The following ITGB5 variants were observed in gnomAD, a reference collection of about 807,000 sequenced individuals.
ITGB5 encodes integrin subunit beta 5, also known as integrin beta-5.
A neutral mutation model predicts 84.8 loss-of-function variants in ITGB5; 38 were observed. The ratio of observed to expected loss-of-function variants is 0.45; its 90% CI spans 0.35 to 0.59. The LOEUF (loss-of-function observed/expected upper bound fraction) is 0.59, where lower values mean the gene tolerates loss of function less well. ITGB5 is among the 20% of genes least tolerant of loss of function. The pLI is 0.01. For missense variants in ITGB5, 905 were observed against 1,034.5 expected (o/e 0.87, Z 1.72); for synonymous variants, 393 against 414.4 (o/e 0.95, Z 0.63).
At chr3:124,869,396 T>C (rs981072255) in intron 2 of ITGB5, among the ~76,000 whole-genome samples, 1 of 152,020 alleles carries the variant, frequency 6.6e-6, no homozygotes, top group African/African-American at 2.4e-5. Flanking sequence ...GACAACATGG[T>C]GAAACCCCGT....
chr3:124,892,929 C>T (rs556338962), intron 1 of ITGB5, among the ~76,000 whole-genome samples: 2 of 152,006 alleles, frequency 1.3e-5, no homozygotes, highest in African/African-American at 2.4e-5. Context: ...AAAAAGAGTT[C>T]GGGGCAGAAA....
chr3:124,886,920 G>T lies in ITGB5; in HGVS notation c.70+11C>A. 8.3e-7 allele frequency: 1 copy of T among 1,211,836 alleles called. No homozygotes were observed. The highest frequency in any genetic ancestry group is 1.0e-6 in the Non-Finnish European group (1 of 974,848). 75.1% of individuals were successfully genotyped at this position (1,211,836 alleles called of 1,614,324 possible). Reference sequence around the variant, plus strand: ...AAAGTTTCTCTGGGCGCCGTGGGCGGCGCGGCTTACCTGCGAGCCGGGGCA... The same window carrying T: ...AAAGTTTCTCTGGGCGCCGTGGGCGTCGCGGCTTACCTGCGAGCCGGGGCA... On this transcript the variant is annotated intron_variant, in intron 1 of 14. Transcript: ENST00000296181.
chr3:124,773,157 T>G (rs2063872625), intron 11 of ITGB5, among the ~76,000 whole-genome samples: 1 of 152,200 alleles, frequency 6.6e-6, no homozygotes, highest in Admixed American at 6.5e-5. Context: ...TCCACCCGTC[T>G]TGGCCTCCCA....
chr3:124,856,010 C>G (rs1313308285), intron 3 of ITGB5, among the ~76,000 whole-genome samples: 1 of 152,040 alleles, frequency 6.6e-6, no homozygotes, highest in Non-Finnish European at 1.5e-5. Context: ...TCATCTTCAT[C>G]TAGACTGGAG....
At chr3:124,868,949 A>G (rs1336847716) in intron 2 of ITGB5, among the ~76,000 whole-genome samples, 3 of 152,196 alleles carry the variant, frequency 2.0e-5, no homozygotes, top group Non-Finnish European at 4.4e-5. Flanking sequence ...ATGGACTCAT[A>G]CATGATACCT....
chr3:124,841,243 C>G, intron 5 of ITGB5, 140 bp downstream of exon 5: 1 of 739,344 alleles, frequency 1.4e-6, no homozygotes, highest in Non-Finnish European at 2.2e-6. Flanking sequence ...AGAAGTTCCA[C>G]TGAGCTCACC....
intron 8 of ITGB5, among the ~76,000 whole-genome samples, chr3:124,814,479 A>T (rs1011901900): frequency 4.2e-5 from 4 of 94,456 alleles, no homozygotes; most frequent in East Asian, 3.2e-4. Flanking sequence ...TTTCCAATTT[A>T]AAAAAAAAAA....
Position 124,881,508 on chromosome 3 carries a change from G to A in ITGB5, c.70+5423C>T, listed in dbSNP as rs565965212. Among the ~76,000 whole-genome samples the A allele has an allele frequency of 3.3e-5, 5 of 152,304 alleles. No homozygotes were observed. The South Asian group carries it at 1.0e-3, about 32-fold the overall frequency. ...AGATAGTTCTGCTCCACCCAGGGATGTAGGGAAGGAGAACAGGATATACTG... is the reference window on the plus strand; with the variant it reads ...AGATAGTTCTGCTCCACCCAGGGATATAGGGAAGGAGAACAGGATATACTG... On this transcript the variant is annotated intron_variant, in intron 1 of 14. Coordinates refer to ENST00000296181, the MANE Select transcript of ITGB5 (RefSeq NM_002213.5).
chr3:124,828,957 T>C lies in ITGB5; in HGVS notation c.781-7483A>G, dbSNP rs1170289293. ...CTTGTTTATAAGAGGGAGGTAATAA[T>C]AGTATTGATAAAATAGGGTTGTTGA... On this transcript the variant is annotated intron_variant, in intron 5 of 14. Coordinates refer to ENST00000296181, the MANE Select transcript of ITGB5 (RefSeq NM_002213.5). Among the ~76,000 whole-genome samples the C allele has an allele frequency of 5.3e-5, 8 of 152,284 alleles. No individual in the cohort carries two copies. The East Asian group carries it at 1.2e-3, about 22-fold the overall frequency.
At chr3:124,893,076 T>A (rs1935034299) in intron 1 of ITGB5, among the ~76,000 whole-genome samples, 1 of 152,170 alleles carries the variant, frequency 6.6e-6, no homozygotes, top group African/African-American at 2.4e-5. Flanking sequence ...TTGATAGGCC[T>A]ATGACACATG....
chr3:124,869,330 C>T (rs1344324259), intron 2 of ITGB5, among the ~76,000 whole-genome samples: 1 of 152,160 alleles, frequency 6.6e-6, no homozygotes, highest in Non-Finnish European at 1.5e-5. Context: ...AATCCCAGCA[C>T]TTTGGGAGGC....
In ITGB5 at chr3:124,796,608, G is replaced by T. The variant is rs149731521; in HGVS notation, c.1473C>A (p.Pro491=). The part of the protein sequence containing the change: ...TYVCGLCECS[P]GYLGTRCECQ... ...ACTCGCACCTGGTGCCCAGGTAGCC[G>T]GGGCTGCACTCACACAGGCCGCAGA... Residue 491 remains proline (P), a synonymous_variant, in exon 10 of 15, where the codon CCC becomes CCA. Coordinates refer to ENST00000296181, the MANE Select transcript of ITGB5 (RefSeq NM_002213.5). 4 of 1,614,106 alleles carry T rather than the reference G, an allele frequency of 2.5e-6. No individual in the cohort carries two copies. In the East Asian group the frequency reaches 8.9e-5, roughly 36 times the overall value.
chr3:124,834,498 G>A (rs2064901377), intron 5 of ITGB5, among the ~76,000 whole-genome samples: 1 of 126,494 alleles, frequency 7.9e-6, no homozygotes, highest in Non-Finnish European at 1.7e-5. Flanking sequence ...GGAAGGGAGG[G>A]AGGGAGAGGA....
At chr3:124,869,453 G>C (rs530156738) in intron 2 of ITGB5, among the ~76,000 whole-genome samples, 234 of 152,268 alleles carry the variant, frequency 1.5e-3, no homozygotes, top group Middle Eastern at 3.4e-3. Context: ...GCACGCGCCT[G>C]TAATCCCAGC....
At chr3:124,885,838 A>C (rs1475868103) in intron 1 of ITGB5, among the ~76,000 whole-genome samples, 1 of 151,822 alleles carries the variant, frequency 6.6e-6, no homozygotes, top group Non-Finnish European at 1.5e-5. Flanking sequence ...GTTTGCTCAG[A>C]CCCCTCCTCC....
chr3:124,772,801 C>A (rs1179925333), intron 11 of ITGB5, among the ~76,000 whole-genome samples: 1 of 152,084 alleles, frequency 6.6e-6, no homozygotes, highest in Non-Finnish European at 1.5e-5. Flanking sequence ...TCAGCAGCAG[C>A]ACAGAGCCCG....
intron 5 of ITGB5, among the ~76,000 whole-genome samples, chr3:124,837,116 C>A (rs370877873): frequency 2.7e-4 from 41 of 152,286 alleles, no homozygotes; most frequent in African/African-American, 9.1e-4. Context: ...ACTTCTTTAA[C>A]CTGAGAGCCA....
At chr3:124,807,534 A>T (rs933118709) in intron 9 of ITGB5, among the ~76,000 whole-genome samples, 2 of 152,246 alleles carry the variant, frequency 1.3e-5, no homozygotes, top group Admixed American at 1.3e-4. Flanking sequence ...CGTGTCTTAG[A>T]AAAGGCCTTG....
At chr3:124,861,495 T>TATACACACACAC (rs750712591) in intron 2 of ITGB5, among the ~76,000 whole-genome samples, 1,517 of 111,866 alleles carry the variant, frequency 0.014, 24 homozygotes, top group African/African-American at 0.041. Flanking sequence ...TATATATATA[T>TATACACACACAC]ACACACACAC....
Sources: gnomAD v4.1 joint callset for allele counts (sites outside exome capture counted in the v4.1 genomes callset) on GRCh38, gnomAD v4.1.1 for gene constraint, MANE v1.5 for transcripts, NCBI Gene and HGNC (gene_info 2026-07-23, HGNC 2026-07-21) for gene names.